The following RNF38 variants were observed in gnomAD, a reference collection of about 807,000 sequenced individuals.
RNF38 encodes the protein ring finger protein 38.
RNF38 carries 15 observed loss-of-function variants against 67.2 expected under a neutral mutation model. The ratio of observed to expected loss-of-function variants is 0.22; its 90% CI spans 0.15 to 0.34. RNF38 has a LOEUF of 0.34. Ranked by LOEUF, RNF38 falls within the 10% of genes least tolerant of loss-of-function variation. The probability of loss-of-function intolerance (pLI) is 1.00; values close to 1 mark genes in which losing one functional copy is unlikely to be tolerated. For missense variants in RNF38, 524 were observed against 639.9 expected, an observed-to-expected ratio of 0.82 and a Z score of 1.95; for synonymous variants, 220 against 218.8, an observed-to-expected ratio of 1.01 and a Z score of -0.05.
chr9:36,472,359 G>T (rs1158159804), intron 1 of RNF38, among the ~76,000 whole-genome samples: 1 of 151,978 alleles, frequency 6.6e-6, no homozygotes, highest in Non-Finnish European at 1.5e-5. Flanking sequence ...TCCTTCCTAG[G>T]TATCCATAAA....
In RNF38 at chr9:36,353,295, C is replaced by T. The variant is rs1389145334; in HGVS notation, c.946G>A (p.Gly316Arg). The T allele has an allele frequency of 6.2e-7, 1 of 1,612,110 alleles. No individual in the cohort carries two copies. The highest frequency in any genetic ancestry group is 1.3e-5 in the African/African-American group (1 of 74,894). ...QRIENEVELLGEHLPVGGFTY... is the reference protein window; with the variant it reads ...QRIENEVELLREHLPVGGFTY... ...AAACCTCCTACTGGAAGATGTTCTCCTAAGAGTTCCACTTCATTTTCTATC... is the reference window on the plus strand; with the variant it reads ...AAACCTCCTACTGGAAGATGTTCTCTTAAGAGTTCCACTTCATTTTCTATC... Residue 316 changes from glycine to arginine, a missense_variant, in exon 7 of 12, where the codon GGA becomes AGA. Physicochemically the swap from Gly to Arg is moderately radical, Grantham distance 125 (BLOSUM62 -2). Transcript: ENST00000259605.
chr9:36,412,548 C>T (rs879580868), intron 2 of RNF38, among the ~76,000 whole-genome samples: 7 of 152,204 alleles, frequency 4.6e-5, no homozygotes, highest in Non-Finnish European at 5.9e-5. Flanking sequence ...CTGGATTTTG[C>T]GGGTGGATCC....
In RNF38 at chr9:36,369,910, C is replaced by G. The variant is rs756256284; in HGVS notation, c.379G>C (p.Gly127Arg). The change falls in exon 4 of 12, where the codon GGA becomes CGA. Residue 127 changes from glycine (G) to arginine (R), a missense_variant. By Grantham distance (125) the Gly-to-Arg change is moderately radical (BLOSUM62 -2). Coordinates refer to ENST00000259605, the MANE Select transcript of RNF38 (RefSeq NM_022781.5). ...TGTCGAGACAGACGATCCCTTCTTCCTCTCTGGCGCCTGACAGGAGGACTG... is the reference window on the plus strand; with the variant it reads ...TGTCGAGACAGACGATCCCTTCTTCGTCTCTGGCGCCTGACAGGAGGACTG... ...RRSPPVRRQR[G>R]RRDRLSRHNS... is the part of the protein sequence containing the mutation. 1.9e-6 allele frequency: 3 copies of G among 1,612,758 alleles called. No individual in the cohort carries two copies. The highest frequency in any genetic ancestry group is 2.5e-6 in the Non-Finnish European group (3 of 1,179,982).
chr9:36,459,819 T>C (rs1839684863), intron 1 of RNF38, among the ~76,000 whole-genome samples: 2 of 152,216 alleles, frequency 1.3e-5, no homozygotes, highest in South Asian at 4.1e-4. Flanking sequence ...CAGTTTTAAC[T>C]GATTTTAGTG....
intron 1 of RNF38, among the ~76,000 whole-genome samples, chr9:36,486,819 A>C (rs1008782664): frequency 6.6e-6 from 1 of 151,590 alleles, no homozygotes; most frequent in Non-Finnish European, 1.5e-5. Flanking sequence ...ATTACTCCCA[A>C]ACCAGCCCAA....
chr9:36,419,251 G>A (rs1041786731), intron 2 of RNF38, among the ~76,000 whole-genome samples: 1 of 152,126 alleles, frequency 6.6e-6, no homozygotes, highest in East Asian at 1.9e-4. Context: ...TTAGATAAGC[G>A]ATATTGAACC....
chr9:36,486,236 C>A (rs940005525), intron 1 of RNF38, among the ~76,000 whole-genome samples: 14 of 152,264 alleles, frequency 9.2e-5, no homozygotes, highest in African/African-American at 3.4e-4. Context: ...AAGTCCTTTC[C>A]CCTTCCAAGG....
intron 6 of RNF38, among the ~76,000 whole-genome samples, chr9:36,355,856 T>C (rs1394440805): frequency 6.6e-6 from 1 of 152,126 alleles, no homozygotes; most frequent in Non-Finnish European, 1.5e-5. Flanking sequence ...TGTTTGTTTG[T>C]TTATTTTGGA....
At chr9:36,372,412 A>C (rs1248341394) in intron 3 of RNF38, 1 of 599,604 alleles carries the variant, frequency 1.7e-6, no homozygotes, top group Non-Finnish European at 3.0e-6. Context: ...CTGTTTATTC[A>C]CAGTTCTTTG....
intron 3 of RNF38, among the ~76,000 whole-genome samples, chr9:36,374,014 T>C (rs756633985): frequency 3.9e-5 from 6 of 152,180 alleles, no homozygotes; most frequent in Admixed American, 1.3e-4. Context: ...TACATTTGTT[T>C]TATTCATCAT....
intron 9 of RNF38, among the ~76,000 whole-genome samples, chr9:36,345,787 C>T (rs796664304): frequency 7.9e-5 from 12 of 151,900 alleles, no homozygotes; most frequent in African/African-American, 2.9e-4. Context: ...CCTAATATGT[C>T]TCAAGACTCT....
intron 2 of RNF38, among the ~76,000 whole-genome samples, chr9:36,410,030 A>T (rs1057353262): frequency 3.3e-5 from 5 of 152,188 alleles, no homozygotes; most frequent in African/African-American, 9.6e-5. Context: ...GGAGATAATG[A>T]CATTTTAAAG....
At chr9:36,386,178 T>C (rs1445331355) in intron 2 of RNF38, among the ~76,000 whole-genome samples, 2 of 152,218 alleles carry the variant, frequency 1.3e-5, no homozygotes, top group Non-Finnish European at 2.9e-5. Flanking sequence ...TGCACCAACC[T>C]AATACCAACA....
intron 1 of RNF38, among the ~76,000 whole-genome samples, chr9:36,466,472 T>G (rs1435534662): frequency 1.3e-5 from 2 of 152,212 alleles, no homozygotes. Context: ...AAGCGTAGTT[T>G]TAGTATTTTA....
At chr9:36,418,185 G>A (rs769667841) in intron 2 of RNF38, among the ~76,000 whole-genome samples, 2 of 151,620 alleles carry the variant, frequency 1.3e-5, no homozygotes, top group Non-Finnish European at 2.9e-5. Flanking sequence ...TGTACCACTA[G>A]GCCCAGCTAA....
intron 2 of RNF38, among the ~76,000 whole-genome samples, chr9:36,421,956 G>C (rs1363906944): frequency 6.6e-6 from 1 of 152,118 alleles, no homozygotes; most frequent in Non-Finnish European, 1.5e-5. Flanking sequence ...ATCTGGCCAG[G>C]CATGGTGGCT....
upstream of RNF38, among the ~76,000 whole-genome samples, chr9:36,404,030 C>T (rs188296148): frequency 4.6e-5 from 7 of 152,312 alleles, no homozygotes; most frequent in Admixed American, 4.6e-4. Context: ...TTTCCCTTCA[C>T]ATGGGTCATA....
chr9:36,464,166 AAAAC>A (rs748880201), intron 1 of RNF38, among the ~76,000 whole-genome samples: 60 of 151,908 alleles, frequency 3.9e-4, no homozygotes, highest in African/African-American at 8.7e-4. Flanking sequence ...TCTGTCTCAA[AAAAC>A]AAACAAACAA....
intron 6 of RNF38, among the ~76,000 whole-genome samples, chr9:36,354,341 G>A (rs1000926811): frequency 2.0e-5 from 3 of 152,134 alleles, no homozygotes; most frequent in Non-Finnish European, 4.4e-5. Context: ...TAGGGCGCCC[G>A]CCACCACACC....
Sources: allele counts gnomAD v4.1 joint callset (sites outside exome capture counted in the v4.1 genomes callset), GRCh38; gene constraint gnomAD v4.1.1; transcripts MANE v1.5; gene names NCBI Gene and HGNC (gene_info 2026-07-23, HGNC 2026-07-21).